The following RAPGEF5 variants were observed in gnomAD, a reference collection of about 807,000 sequenced individuals.
The protein encoded by RAPGEF5 is Rap guanine nucleotide exchange factor 5.
Under a neutral mutation model 125.2 loss-of-function variants are expected in RAPGEF5, and 65 were observed. The observed-to-expected ratio is 0.52, with a 90% CI of 0.43 to 0.64. The LOEUF (loss-of-function observed/expected upper bound fraction) is 0.64. Ranked by LOEUF, RAPGEF5 falls within the 30% of genes least tolerant of loss-of-function variation. RAPGEF5 has a pLI of 0.00. For synonymous variants in RAPGEF5, 391 were observed against 385.9 expected (o/e 1.01, Z -0.16); for missense variants, 958 against 1,048.1 (o/e 0.91, Z 1.19).
chr7:22,285,644 C>A (rs1182314533), intron 6 of RAPGEF5, among the ~76,000 whole-genome samples: 1 of 152,116 alleles, frequency 6.6e-6, no homozygotes, highest in Non-Finnish European at 1.5e-5. Context: ...CATTTTATAA[C>A]CTCTCTGGAT....
intron 13 of RAPGEF5, among the ~76,000 whole-genome samples, chr7:22,162,052 A>C (rs78076150): frequency 0.019 from 2,839 of 152,338 alleles, 88 homozygotes; most frequent in African/African-American, 0.065. Flanking sequence ...ATACATTGTC[A>C]ATATAGTTTT....
chr7:22,217,773 G>A (rs886696843), intron 9 of RAPGEF5, among the ~76,000 whole-genome samples: 6 of 152,088 alleles, frequency 3.9e-5, no homozygotes, highest in African/African-American at 1.2e-4. Flanking sequence ...AAACAAAAAC[G>A]TTTCAGAGCT....
chr7:22,156,165 AAG>A (rs896166238), intron 16 of RAPGEF5, among the ~76,000 whole-genome samples: 2 of 152,242 alleles, frequency 1.3e-5, no homozygotes, highest in South Asian at 2.1e-4. Context: ...GATGAGGCAA[AAG>A]AGAGAGTCTG....
At chr7:22,321,645 T>C (rs1274183744) in intron 1 of RAPGEF5, among the ~76,000 whole-genome samples, 1 of 152,220 alleles carries the variant, frequency 6.6e-6, no homozygotes, top group East Asian at 1.9e-4. Context: ...TTATTGATAA[T>C]GCAAGAATTA....
At chr7:22,326,291 T>C (rs1305835500) in intron 1 of RAPGEF5, among the ~76,000 whole-genome samples, 1 of 152,188 alleles carries the variant, frequency 6.6e-6, no homozygotes, top group African/African-American at 2.4e-5. Flanking sequence ...CAGGCCTTCC[T>C]CTAAACGATG....
At chr7:22,167,024 G>T in intron 12 of RAPGEF5, 46 bp downstream of exon 12, 1 of 1,487,092 alleles carries the variant, frequency 6.7e-7, no homozygotes, top group Non-Finnish European at 9.4e-7. Context: ...TGGGACATCT[G>T]TCTGAGAGGA....
chr7:22,233,792 G>A (rs1216512034), intron 7 of RAPGEF5, among the ~76,000 whole-genome samples: 1 of 152,182 alleles, frequency 6.6e-6, no homozygotes, highest in Non-Finnish European at 1.5e-5. Flanking sequence ...CTAGGATAAA[G>A]TGTCAGTCCT....
intron 24 of RAPGEF5, among the ~76,000 whole-genome samples, 167 bp from the exon 25 acceptor site, chr7:22,125,825 C>G (rs1428890714): frequency 6.6e-6 from 1 of 152,112 alleles, no homozygotes; most frequent in Non-Finnish European, 1.5e-5. Context: ...CTTGGATTAT[C>G]AAAGAATATT....
At chr7:22,258,998 G>GA (rs1782079784) in intron 7 of RAPGEF5, among the ~76,000 whole-genome samples, 1 of 152,006 alleles carries the variant, frequency 6.6e-6, no homozygotes, top group East Asian at 1.9e-4. Context: ...ACTCATGCGA[G>GA]AAAAAATTGA....
At chr7:22,253,684 C>A (rs58337197) in intron 7 of RAPGEF5, among the ~76,000 whole-genome samples, 4 of 152,048 alleles carry the variant, frequency 2.6e-5, no homozygotes, top group Middle Eastern at 3.2e-3. Context: ...ACTTAAATTT[C>A]TTCCAAAAAA....
chr7:22,301,410 T>C (rs1783197388), intron 5 of RAPGEF5, among the ~76,000 whole-genome samples: 1 of 151,890 alleles, frequency 6.6e-6, no homozygotes, highest in African/African-American at 2.4e-5. Flanking sequence ...GGTCAGGAGA[T>C]CGAGACCATC....
At chr7:22,297,879 A>G (rs1446081818) in intron 5 of RAPGEF5, among the ~76,000 whole-genome samples, 2 of 152,324 alleles carry the variant, frequency 1.3e-5, no homozygotes, top group East Asian at 3.9e-4. Context: ...GTATGATGCA[A>G]GCTATGGGTT....
In RAPGEF5 at chr7:22,150,467, G is replaced by A. The variant is rs1489539575; in HGVS notation, c.1824C>T (p.Ser608=). 3.7e-6 allele frequency: 6 copies of A among 1,602,584 alleles called. No homozygotes were observed. In the African/African-American group the frequency reaches 5.5e-5, roughly 15 times the overall value. ...TTCGACCAGATGCCTCGAGGGATTT[G>A]GAGATGACTAAGTCATTTGGCTGAA... ...HELQPNDLVI[S]KSLEASGRIY... Residue 608 remains serine (S), a synonymous_variant, in exon 18 of 26, where the codon TCC becomes TCT. Coordinates refer to ENST00000665637, the MANE Select transcript of RAPGEF5 (RefSeq NM_012294.5).
rs548102977 is a variant in RAPGEF5, at chr7:22,213,528, T to C, written c.996+6338A>G. Among the ~76,000 whole-genome samples the C allele has an allele frequency of 9.2e-5, 14 of 152,354 alleles. 2 individuals carry two copies. Among genetic ancestry groups the C allele is most frequent in the African/African-American group, 3.4e-4 (14 of 41,590 alleles). ...CTTGGAGGCAAGAACTAGCTACTTC[T>C]ACTTTTTTGTTACTCTGTGGCCATA... On this transcript the variant is annotated intron_variant, in intron 9 of 25. Coordinates refer to ENST00000665637, the MANE Select transcript of RAPGEF5 (RefSeq NM_012294.5).
At chr7:22,161,125 C>T (rs766686234) in intron 13 of RAPGEF5, among the ~76,000 whole-genome samples, 4 of 152,038 alleles carry the variant, frequency 2.6e-5, no homozygotes, top group African/African-American at 7.2e-5. Flanking sequence ...AGGAGAATGG[C>T]GTGAACCCAG....
intron 17 of RAPGEF5, among the ~76,000 whole-genome samples, chr7:22,153,628 A>G (rs1195871512): frequency 6.6e-6 from 1 of 152,204 alleles, no homozygotes; most frequent in Non-Finnish European, 1.5e-5. Context: ...CTGCAGAATG[A>G]TAACAAAGGG....
chr7:22,189,880 A>C (rs1169905650), intron 11 of RAPGEF5, among the ~76,000 whole-genome samples: 8 of 152,206 alleles, frequency 5.3e-5, no homozygotes, highest in Non-Finnish European at 1.0e-4. Context: ...GGAGCTTGTC[A>C]CAGATGAATG....
At chr7:22,314,527 A>G (rs1304759652) in intron 3 of RAPGEF5, 4 of 731,568 alleles carry the variant, frequency 5.5e-6, no homozygotes, top group South Asian at 1.2e-4. Context: ...CATAAAGCTA[A>G]GTTTATTTAA....
chr7:22,207,750 AT>A (rs1239976533), intron 9 of RAPGEF5, among the ~76,000 whole-genome samples: 4 of 152,162 alleles, frequency 2.6e-5, no homozygotes, highest in East Asian at 1.9e-4. Flanking sequence ...AATATACTAA[AT>A]TTTTTTTGAC....
Sources: gnomAD v4.1 joint callset for allele counts (sites outside exome capture counted in the v4.1 genomes callset) on GRCh38, gnomAD v4.1.1 for gene constraint, MANE v1.5 for transcripts, NCBI Gene and HGNC (gene_info 2026-07-23, HGNC 2026-07-21) for gene names.